The following COL4A3 variants were observed in gnomAD, a reference collection of about 807,000 sequenced individuals.
The protein encoded by COL4A3 is collagen alpha-3(IV) chain.
In COL4A3, 135 loss-of-function variants were observed where a neutral mutation model predicts 217.4. That is an observed-to-expected ratio of 0.62 (90% CI 0.54 to 0.72). The LOEUF (loss-of-function observed/expected upper bound fraction) is 0.72. COL4A3 is among the 30% of genes least tolerant of loss of function. COL4A3 has a pLI of 0.00. For missense variants in COL4A3, 1,868 were observed against 2,119.9 expected, an observed-to-expected ratio of 0.88 and a Z score of 2.33; for synonymous variants, 690 against 736.3, an observed-to-expected ratio of 0.94 and a Z score of 1.02.
At chr2:227,256,912 T>G (rs1409964443) in intron 17 of COL4A3, among the ~76,000 whole-genome samples, 1 of 152,230 alleles carries the variant, frequency 6.6e-6, no homozygotes, top group African/African-American at 2.4e-5. Context: ...TGTGTGAACA[T>G]CATAGAGTGT....
intron 37 of COL4A3, among the ~76,000 whole-genome samples, chr2:227,291,521 C>T (rs2072711612): frequency 7.7e-6 from 1 of 129,246 alleles, no homozygotes; most frequent in Non-Finnish European, 1.6e-5. Context: ...CGAGATCGCG[C>T]CACTGCACTC....
At chr2:227,189,665 A>G (rs2066156714) in intron 1 of COL4A3, among the ~76,000 whole-genome samples, 1 of 152,214 alleles carries the variant, frequency 6.6e-6, no homozygotes, top group South Asian at 2.1e-4. Context: ...CAGGCTTGAA[A>G]TTGTAAGTAA....
rs750764641 is a variant in COL4A3 at position 227,307,877 on chromosome 2, C to T, written c.4420C>T (p.Leu1474Phe). 6.2e-7 allele frequency: 1 copy of T among 1,614,084 alleles called. No individual in the cohort carries two copies. Among genetic ancestry groups the T allele is most frequent in the Non-Finnish European group, 8.5e-7 (1 of 1,180,004 alleles). Residue 1474 changes from leucine (L) to phenylalanine (F), a missense_variant, in exon 48 of 52, where the codon CTT (leucine) becomes TTT (phenylalanine). Around this residue, in one of 2 missense-constraint regions of COL4A3, gnomAD observed 1,503 missense variants for 1,786.1 expected, o/e 0.84. Transcript: ENST00000396578. ...GCCACTCTACAGTGGGTTTTCTTTT[C>T]TTTTTGTACAAGGAAATCAACGAGC... ...TVPLYSGFSF[L>F]FVQGNQRAHG...
chr2:227,297,604 A>G, intron 41 of COL4A3, 70 bp from the exon 42 acceptor site: 2 of 1,430,784 alleles, frequency 1.4e-6, no homozygotes, highest in Non-Finnish European at 1.9e-6. Flanking sequence ...CTACATTATT[A>G]AAGATAGTCA....
chr2:227,287,570 T>C (rs1046497401), intron 34 of COL4A3, among the ~76,000 whole-genome samples: 42 of 152,340 alleles, frequency 2.8e-4, no homozygotes, highest in African/African-American at 8.7e-4. Context: ...TCTTTTTAGA[T>C]TGCAATCAAT....
At chr2:227,301,268 T>C (rs560060378) in intron 43 of COL4A3, among the ~76,000 whole-genome samples, 1 of 152,342 alleles carries the variant, frequency 6.6e-6, no homozygotes, top group East Asian at 1.9e-4. Flanking sequence ...AGAGCTACCA[T>C]GGCACATGGC....
intron 1 of COL4A3, among the ~76,000 whole-genome samples, chr2:227,180,210 CT>C (rs1458791226): frequency 6.6e-6 from 1 of 152,180 alleles, no homozygotes; most frequent in African/African-American, 2.4e-5. Context: ...ATCAGCAATC[CT>C]TTCCAAAAAG....
rs143311537 is a variant in COL4A3 at position 227,239,435 on chromosome 2, G to A, written c.145-708G>A. Among the ~76,000 whole-genome samples the A allele has an allele frequency of 4.7e-3, 718 of 152,196 alleles. 4 individuals are homozygous for A. The highest frequency in any genetic ancestry group is 6.2e-3 in the Non-Finnish European group (419 of 68,012). Reference sequence around the variant, plus strand: ...AAGGTCCTGGAACCAATCCCCCACCGACACTGAGGGACAAACGTAATTCCA... The same window carrying A: ...AAGGTCCTGGAACCAATCCCCCACCAACACTGAGGGACAAACGTAATTCCA... On this transcript the variant is annotated intron_variant, in intron 2 of 51. Transcript: ENST00000396578.
intron 1 of COL4A3, among the ~76,000 whole-genome samples, chr2:227,189,380 G>A (rs558886670): frequency 2.6e-5 from 4 of 152,220 alleles, no homozygotes; most frequent in East Asian, 1.9e-4. Context: ...GGTGATCCCC[G>A]TGAGACAAGG....
In COL4A3 at chr2:227,171,392, T is replaced by C. The variant is rs112815369; in HGVS notation, c.87+6579T>C. Among the ~76,000 whole-genome samples, 1,344 of 152,176 alleles carry C rather than the reference T, an allele frequency of 8.8e-3. 13 individuals carry two copies. The highest frequency in any genetic ancestry group is 0.03 in the African/African-American group (1,257 of 41,512). On this transcript the variant is annotated intron_variant, in intron 1 of 51. Transcript: ENST00000396578. Reference sequence around the variant, plus strand: ...GGTATAAATGTAGCTAACACAGGAGTGGGCACCTGTGAGAGTCCACCTAAG... The same window carrying C: ...GGTATAAATGTAGCTAACACAGGAGCGGGCACCTGTGAGAGTCCACCTAAG...
chr2:227,305,054 A>G lies in COL4A3; in HGVS notation c.4223A>G (p.Lys1408Arg). Residue 1408 changes from lysine (K) to arginine (R), a missense_variant, in exon 47 of 52, where the codon AAA becomes AGA. Lys to Arg is a conservative substitution (Grantham distance 26). This residue lies in a region of COL4A3 where 1,503 missense variants were observed against 1,786.1 expected (regional missense o/e 0.84). Transcript: ENST00000396578. ...KPGTPGPAGE[K>R]GNKGSKGEPG... ...GGAACTCCTGGACCAGCTGGAGAAA[A>G]AGGCAACAAAGGTTCTAAAGGAGAG... 1 of 1,613,862 alleles carries G rather than the reference A, an allele frequency of 6.2e-7. No homozygotes were observed. The highest frequency in any genetic ancestry group is 1.7e-5 in the Admixed American group (1 of 59,976).
intron 1 of COL4A3, among the ~76,000 whole-genome samples, chr2:227,218,237 C>T (rs937459653): frequency 2.0e-5 from 3 of 151,776 alleles, no homozygotes; most frequent in Admixed American, 6.6e-5. Flanking sequence ...GAGGCCGAGA[C>T]GGGTGGATCA....
chr2:227,280,331 G>A, intron 29 of COL4A3, 109 bp from the exon 30 acceptor site: 1 of 1,226,270 alleles, frequency 8.2e-7, no homozygotes, highest in East Asian at 2.3e-5. Flanking sequence ...GAAAGTTGAT[G>A]ACATGGTAGT....
At chr2:227,175,711 G>A (rs970807796) in intron 1 of COL4A3, among the ~76,000 whole-genome samples, 2 of 152,074 alleles carry the variant, frequency 1.3e-5, no homozygotes, top group Non-Finnish European at 2.9e-5. Context: ...GATAAATAGG[G>A]TGCAATAAGT....
intron 1 of COL4A3, among the ~76,000 whole-genome samples, chr2:227,213,877 G>A (rs1316191070): frequency 2.1e-5 from 3 of 145,304 alleles, no homozygotes; most frequent in East Asian, 2.0e-4. Flanking sequence ...ACACAAGCCC[G>A]GGCGACAGAG....
At chr2:227,266,917 T>G (rs760084174) in intron 22 of COL4A3, 76 bp from the exon 23 acceptor site, 1 of 942,052 alleles carries the variant, frequency 1.1e-6, no homozygotes, top group Non-Finnish European at 1.7e-6. Flanking sequence ...TAAATGATAG[T>G]GTGGTTGGAA....
intron 38 of COL4A3, among the ~76,000 whole-genome samples, 193 bp downstream of exon 38, chr2:227,293,510 G>T (rs2072878243): frequency 6.6e-6 from 1 of 152,132 alleles, no homozygotes; most frequent in Non-Finnish European, 1.5e-5. Flanking sequence ...AGCCCATTTG[G>T]ACTGAAATAC....
rs966011331 is a variant in COL4A3 at position 227,164,902 on chromosome 2, C to T, written c.87+89C>T. On this transcript the variant is annotated intron_variant, in intron 1 of 51. Coordinates refer to ENST00000396578, the MANE Select transcript of COL4A3 (RefSeq NM_000091.5). This position sits in a 1 kb window ranked among gnomAD's most constrained non-coding sequence, Gnocchi z 4.8. ...CGCGCTGGCCCCACCCGCAGCGGCG[C>T]GGTAGTGGAGCGGCTGCCGGGCTAG... is the stretch of plus-strand genomic sequence containing the variant. 3.5e-5 allele frequency: 48 copies of T among 1,366,158 alleles called. No individual in the cohort carries two copies. In the African/African-American group the frequency reaches 3.9e-4, roughly 11 times the overall value. 84.6% of individuals were successfully genotyped at this position (1,366,158 alleles called of 1,614,324 possible). A position where few individuals can be genotyped will look rare whatever the true frequency, so the allele number is the denominator to read the frequency against.
chr2:227,290,636 C>T, intron 36 of COL4A3, 111 bp from the exon 37 acceptor site: 1 of 948,772 alleles, frequency 1.1e-6, no homozygotes, highest in Non-Finnish European at 1.6e-6. Context: ...GATGCAGTTG[C>T]AATTCTGAAA....
Sources: gnomAD v4.1 joint callset for allele counts (sites outside exome capture counted in the v4.1 genomes callset) on GRCh38, gnomAD v4.1.1 for gene constraint, gnomAD v4.1.1 regional missense constraint, Gnocchi (gnomAD v3.1) non-coding constraint, MANE v1.5 for transcripts, NCBI Gene and HGNC (gene_info 2026-07-23, HGNC 2026-07-21) for gene names.